CD5: variants seen among roughly 807,000 people sequenced by gnomAD.
The protein encoded by CD5 is CD5 molecule, also known as T-cell surface glycoprotein CD5.
CD5 carries 36 observed loss-of-function variants against 60.3 expected under a neutral mutation model. That is an observed-to-expected ratio of 0.60 (90% CI 0.46 to 0.79). CD5 has a LOEUF of 0.79. CD5 is among the 30% of genes least tolerant of loss of function. The pLI is 0.00. For missense variants in CD5, 540 were observed against 630.6 expected (o/e 0.86, Z 1.54); for synonymous variants, 230 against 257.6 (o/e 0.89, Z 1.03).
chr11:61,103,694 G>A (rs1158357003), intron 1 of CD5, among the ~76,000 whole-genome samples: 1 of 144,898 alleles, frequency 6.9e-6, no homozygotes, highest in Admixed American at 6.8e-5. Context: ...TGAGTCTCTG[G>A]GCATGTGTGT....
intron 1 of CD5, among the ~76,000 whole-genome samples, chr11:61,104,939 A>G (rs1860757189): frequency 1.3e-5 from 2 of 152,252 alleles, no homozygotes; most frequent in Non-Finnish European, 2.9e-5. Context: ...GTGTGCAGGA[A>G]AATGGCCCTG....
upstream of CD5, among the ~76,000 whole-genome samples, chr11:61,100,198 C>T (rs552557466): frequency 2.1e-3 from 312 of 145,852 alleles, no homozygotes; most frequent in African/African-American, 7.6e-3. Flanking sequence ...GGAGATCACA[C>T]ACACATCAAC....
At chr11:61,124,709 G>C (rs911334710) in intron 8 of CD5, among the ~76,000 whole-genome samples, 1 of 151,828 alleles carries the variant, frequency 6.6e-6, no homozygotes, top group South Asian at 2.1e-4. Context: ...TCAGCTCCTG[G>C]AGGGCAGGGA....
upstream of CD5, among the ~76,000 whole-genome samples, chr11:61,099,047 A>ACCCAG (rs200839168): frequency 0.039 from 5,970 of 152,110 alleles, 166 homozygotes; most frequent in Non-Finnish European, 0.055. Flanking sequence ...AAAAAACGGA[A>ACCCAG]CCCAGCCCAG....
At chr11:61,098,640 T>C (rs1860614468), upstream of CD5, among the ~76,000 whole-genome samples, 2 of 152,182 alleles carry the variant, frequency 1.3e-5, no homozygotes, top group Non-Finnish European at 1.5e-5. Context: ...CCCCCAGTCA[T>C]GTACCCCCTG....
chr11:61,101,491 G>A (rs1860685977), upstream of CD5, among the ~76,000 whole-genome samples: 1 of 142,974 alleles, frequency 7.0e-6, no homozygotes, highest in Non-Finnish European at 1.5e-5. Flanking sequence ...ATCAAATGGG[G>A]ATTACACACA....
In CD5 at chr11:61,127,574, A is replaced by T. The variant is rs1861168252; in HGVS notation, c.*1289A>T. 6.6e-6 allele frequency: 1 copy of T among 152,284 alleles called. No homozygotes were observed. The highest frequency in any genetic ancestry group is 2.4e-5 in the African/African-American group (1 of 41,458). 9.4% of individuals were successfully genotyped at this position (152,284 alleles called of 1,614,324 possible). A position where few individuals can be genotyped will look rare whatever the true frequency, so the allele number is the denominator to read the frequency against. ...TGCCTTCTGAGAGCCCCCGTGGCCA[A>T]GCCCAGGTCACAGATCTTCCCCCGA... On this transcript the variant is annotated 3_prime_UTR_variant, in exon 11 of 11. Transcript: ENST00000347785.
At chr11:61,121,370 G>C (rs968938516) in intron 5 of CD5, among the ~76,000 whole-genome samples, 1 of 152,268 alleles carries the variant, frequency 6.6e-6, no homozygotes, top group Admixed American at 6.5e-5. Context: ...ATGCTGCTGT[G>C]TCTCAGGATG....
At position 61,117,343 on chromosome 11, in the gene CD5, T is replaced by C. The variant is rs546662361; in HGVS notation, c.95-832T>C. Among the ~76,000 whole-genome samples, 3 of 152,326 alleles carry C rather than the reference T, an allele frequency of 2.0e-5. No homozygotes were observed. The South Asian group carries it at 6.2e-4, about 32-fold the overall frequency. Reference sequence around the variant, plus strand: ...AGGCTAGATTCAGGGAAATTAACTATAAAGGGGCCTTAGGGAACTTTCTAG... The same window carrying C: ...AGGCTAGATTCAGGGAAATTAACTACAAAGGGGCCTTAGGGAACTTTCTAG... On this transcript the variant is annotated intron_variant, in intron 2 of 10. Transcript: ENST00000347785.
At chr11:61,115,653 A>G (rs1161092984) in intron 2 of CD5, among the ~76,000 whole-genome samples, 6 of 152,254 alleles carry the variant, frequency 3.9e-5, no homozygotes. Context: ...GAAATCCTGC[A>G]GCGAAGAAAT....
chr11:61,101,422 C>G (rs554826395), upstream of CD5, among the ~76,000 whole-genome samples: 8 of 143,470 alleles, frequency 5.6e-5, no homozygotes, highest in African/African-American at 1.8e-4. Context: ...ATCACATTCA[C>G]ACACATCAAC....
rs750342923 is a variant in CD5 at position 61,118,969 on chromosome 11, A to T, written c.455A>T (p.Glu152Val). The change falls in exon 4 of 11, where the codon GAG (glutamate) becomes GTG (valine). Residue 152 changes from glutamate (E) to valine (V), a missense_variant. By Grantham distance (121) the Glu-to-Val change is moderately radical (BLOSUM62 -2). Transcript: ENST00000347785. The surrounding 1 kb of genome is among the most constrained non-coding windows in gnomAD (Gnocchi z 4.7). Reference protein sequence around the residue: ...TTRPPPTTTPEPTAPPRLQLV... With the variant: ...TTRPPPTTTPVPTAPPRLQLV... ...AGGCCCCCGCCCACCACAACTCCAG[A>T]GCCCACAGGTAAGAGGATTCTGAAC... The T allele has an allele frequency of 6.2e-7, 1 of 1,613,594 alleles. No homozygotes were observed. Among genetic ancestry groups the T allele is most frequent in the South Asian group, 1.1e-5 (1 of 91,048 alleles).
Position 61,118,301 on chromosome 11 carries a change from C to T in CD5, c.221C>T (p.Pro74Leu), listed in dbSNP as rs2134605655. The T allele has an allele frequency of 6.2e-7, 1 of 1,614,264 alleles. No homozygotes were observed. The change falls in exon 3 of 11, where the codon CCC becomes CTC. Residue 74 changes from proline to leucine, a missense_variant. Pro to Leu is a moderately conservative substitution (Grantham distance 98, BLOSUM62 -3). Transcript: ENST00000347785. This position sits in a 1 kb window ranked among gnomAD's most constrained non-coding sequence, Gnocchi z 4.7. ...WGRSSKQWED[P>L]SQASKVCQRL... ...CGGAGCTCCAAGCAGTGGGAGGACC[C>T]CAGTCAAGCGTCAAAAGTCTGCCAG...
chr11:61,111,497 A>T (rs930202508), intron 1 of CD5, among the ~76,000 whole-genome samples: 2 of 152,182 alleles, frequency 1.3e-5, no homozygotes, highest in Non-Finnish European at 2.9e-5. Flanking sequence ...GTTAATAATG[A>T]ACGTTGAGTA....
At chr11:61,122,562 C>T (rs1163138803) in intron 6 of CD5, among the ~76,000 whole-genome samples, 1 of 151,916 alleles carries the variant, frequency 6.6e-6, no homozygotes, top group Non-Finnish European at 1.5e-5. Context: ...AGAGGCCCCG[C>T]TGGCTATTGG....
chr11:61,102,680 C>T, intron 1 of CD5, 65 bp downstream of exon 1: 2 of 1,358,226 alleles, frequency 1.5e-6, no homozygotes, highest in Non-Finnish European at 1.0e-6. Flanking sequence ...AAGGAGTTCC[C>T]AGTTTTACCC....
chr11:61,103,342 GA>G (rs1860728765), intron 1 of CD5, among the ~76,000 whole-genome samples: 2 of 152,190 alleles, frequency 1.3e-5, no homozygotes, highest in African/African-American at 4.8e-5. Flanking sequence ...GTGTGAACTG[GA>G]TGAGGCCTGA....
At chr11:61,125,938 G>A in intron 10 of CD5, 97 bp downstream of exon 10, 2 of 616,326 alleles carry the variant, frequency 3.2e-6, no homozygotes, top group South Asian at 3.2e-5. Context: ...GTCCCACCCT[G>A]CCCATACATG....
At chr11:61,095,672 G>A in the CD5 span, among the ~76,000 whole-genome samples, 1 of 152,156 alleles carries the variant, frequency 6.6e-6, no homozygotes, top group Non-Finnish European at 1.5e-5. Flanking sequence ...ACCTGAACGA[G>A]GGACCAGACA....
Sources: allele counts gnomAD v4.1 joint callset (sites outside exome capture counted in the v4.1 genomes callset), GRCh38; gene constraint gnomAD v4.1.1; non-coding constraint Gnocchi (gnomAD v3.1); transcripts MANE v1.5; gene names NCBI Gene and HGNC (gene_info 2026-07-23, HGNC 2026-07-21).